Variants in NDFIP2 observed in about 807,000 individuals in gnomAD.
The protein encoded by NDFIP2 is Nedd4 family interacting protein 2, also known as NEDD4 family-interacting protein 2.
In NDFIP2, 19 loss-of-function variants were observed where a neutral mutation model predicts 36.0. The observed-to-expected ratio is 0.53, with a 90% CI of 0.37 to 0.77. NDFIP2 has a LOEUF of 0.77. Ranked by LOEUF, NDFIP2 falls within the 30% of genes least tolerant of loss-of-function variation. The pLI is 0.00. For missense variants in NDFIP2, 446 were observed against 435.8 expected (o/e 1.02, Z -0.21); for synonymous variants, 181 against 167.7 (o/e 1.08, Z -0.61).
intron 1 of NDFIP2, among the ~76,000 whole-genome samples, chr13:79,488,329 A>G (rs1158236546): frequency 6.6e-6 from 1 of 152,042 alleles, no homozygotes; most frequent in Non-Finnish European, 1.5e-5. Context: ...TTCTCTTGCT[A>G]TTTTTGTGCA....
chr13:79,508,279 C>A (rs768504027), intron 1 of NDFIP2, among the ~76,000 whole-genome samples: 3 of 152,080 alleles, frequency 2.0e-5, no homozygotes, highest in Non-Finnish European at 4.4e-5. Context: ...ACTGTTGGGT[C>A]CTGCACACTT....
At chr13:79,513,594 G>T (rs1442035295) in intron 1 of NDFIP2, among the ~76,000 whole-genome samples, 2 of 152,152 alleles carry the variant, frequency 1.3e-5, no homozygotes, top group Non-Finnish European at 2.9e-5. Flanking sequence ...GAGAGGGTGA[G>T]TGGAGCCCAG....
chr13:79,526,508 T>G (rs1566663076), intron 2 of NDFIP2, among the ~76,000 whole-genome samples: 1 of 152,100 alleles, frequency 6.6e-6, no homozygotes, highest in Admixed American at 6.6e-5. Flanking sequence ...ACTACAACAT[T>G]TAACAGTGAG....
Position 79,555,275 on chromosome 13 carries a change from G to T in NDFIP2, c.*2762G>T, listed in dbSNP as rs1200813996. 1 of 148,874 alleles carries T rather than the reference G, an allele frequency of 6.7e-6. No homozygotes were observed. The highest frequency in any genetic ancestry group is 2.5e-5 in the African/African-American group (1 of 40,284). 9.2% of individuals were successfully genotyped at this position (148,874 alleles called of 1,614,324 possible). A position where few individuals can be genotyped will look rare whatever the true frequency, so the allele number is the denominator to read the frequency against. Reference sequence around the variant, plus strand: ...TGTACTATTTCAAGAAGTGCAAAAAGTAATGATAGTGAATGTGATACCATA... The same window carrying T: ...TGTACTATTTCAAGAAGTGCAAAAATTAATGATAGTGAATGTGATACCATA... On this transcript the variant is annotated 3_prime_UTR_variant, in exon 8 of 8. Coordinates refer to ENST00000218652, the MANE Select transcript of NDFIP2 (RefSeq NM_019080.3).
At chr13:79,501,318 A>G (rs1431755447) in intron 1 of NDFIP2, among the ~76,000 whole-genome samples, 1 of 152,106 alleles carries the variant, frequency 6.6e-6, no homozygotes, top group East Asian at 1.9e-4. Context: ...TTGGGTAACA[A>G]TGATGTGTTA....
Position 79,511,741 on chromosome 13 carries a change from G to A in NDFIP2, c.322-9069G>A, listed in dbSNP as rs551265630. Among the ~76,000 whole-genome samples the A allele has an allele frequency of 3.4e-4, 52 of 152,290 alleles. 2 individuals carry two copies. The highest frequency in any genetic ancestry group is 4.4e-5 in the Non-Finnish European group (3 of 68,022). On this transcript the variant is annotated intron_variant, in intron 1 of 7. Transcript: ENST00000218652. ...TGCTAGCTAATTTAGGGGATACCAA[G>A]ATGAACAAAGCATATTTCCTAAATA...
intron 1 of NDFIP2, among the ~76,000 whole-genome samples, chr13:79,516,188 G>C (rs1874318285): frequency 6.6e-6 from 1 of 152,182 alleles, no homozygotes; most frequent in Non-Finnish European, 1.5e-5. Context: ...CTGCATGAAA[G>C]TATTTGTTGC....
chr13:79,507,706 A>G (rs915504839), intron 1 of NDFIP2, among the ~76,000 whole-genome samples: 3 of 152,098 alleles, frequency 2.0e-5, no homozygotes, highest in African/African-American at 7.2e-5. Flanking sequence ...GTCAGGATCA[A>G]CTTTTTTTAA....
intron 1 of NDFIP2, among the ~76,000 whole-genome samples, chr13:79,492,270 C>G (rs200237716): frequency 7.2e-5 from 7 of 96,812 alleles, no homozygotes; most frequent in East Asian, 6.0e-4. Context: ...TTTTTTTTTT[C>G]CTTTCTTTAT....
At chr13:79,547,313 T>G (rs948426362) in intron 5 of NDFIP2, among the ~76,000 whole-genome samples, 3 of 152,124 alleles carry the variant, frequency 2.0e-5, no homozygotes, top group African/African-American at 7.2e-5. Context: ...ACTTATAAAG[T>G]TACAAATACT....
At position 79,551,053 on chromosome 13, in the gene NDFIP2, TAA is replaced by T. The variant is rs1358887509; in HGVS notation, c.947_948del (p.Lys316SerfsTer6). The T allele has an allele frequency of 6.2e-7, 1 of 1,604,540 alleles. No homozygotes were observed. The highest frequency in any genetic ancestry group is 1.1e-5 in the South Asian group (1 of 89,824). On this transcript the variant is annotated frameshift_variant, in exon 7 of 8. Transcript: ENST00000218652. LOFTEE classifies it high-confidence loss of function. ...TTCTTCAGAGGATTTGTTAATTATC[TAA>T]AAGTCAGAAACATGTCTGAAAGTAT...
chr13:79,513,824 T>A (rs1220754876), intron 1 of NDFIP2, among the ~76,000 whole-genome samples: 1 of 152,146 alleles, frequency 6.6e-6, no homozygotes, highest in African/African-American at 2.4e-5. Flanking sequence ...TTGTAAATAC[T>A]TTTTTTCTTG....
intron 1 of NDFIP2, among the ~76,000 whole-genome samples, chr13:79,487,211 C>G (rs942621127): frequency 6.6e-6 from 1 of 152,056 alleles, no homozygotes; most frequent in Non-Finnish European, 1.5e-5. Flanking sequence ...ATTCATACCC[C>G]CCAGGTGACT....
chr13:79,512,341 CT>C (rs1874108734), intron 1 of NDFIP2, among the ~76,000 whole-genome samples: 1 of 152,064 alleles, frequency 6.6e-6, no homozygotes, highest in Admixed American at 6.6e-5. Context: ...TTTAAAATGT[CT>C]TCTGCTTTTA....
At chr13:79,512,894 G>C (rs966514393) in intron 1 of NDFIP2, among the ~76,000 whole-genome samples, 3 of 152,054 alleles carry the variant, frequency 2.0e-5, no homozygotes, top group Admixed American at 6.6e-5. Context: ...TCTCTATTTG[G>C]GTTTCTAAAT....
chr13:79,531,540 A>G (rs1391566443), intron 2 of NDFIP2, among the ~76,000 whole-genome samples: 2 of 152,170 alleles, frequency 1.3e-5, no homozygotes, highest in African/African-American at 4.8e-5. Flanking sequence ...ACCATCATCA[A>G]TGATCTTAGC....
intron 2 of NDFIP2, among the ~76,000 whole-genome samples, chr13:79,523,028 C>T (rs1053239753): frequency 6.6e-6 from 1 of 152,118 alleles, no homozygotes; most frequent in East Asian, 1.9e-4. Flanking sequence ...TACAGTCTCT[C>T]CTATTTCAAT....
chr13:79,485,762 G>A (rs183370559), intron 1 of NDFIP2, among the ~76,000 whole-genome samples: 8 of 152,288 alleles, frequency 5.3e-5, no homozygotes, highest in Admixed American at 1.3e-4. Flanking sequence ...TCCTGATACA[G>A]TTAATAAGAA....
At chr13:79,548,307 A>G (rs865952677) in intron 5 of NDFIP2, 21 bp from the exon 6 acceptor site, 1 of 1,507,096 alleles carries the variant, frequency 6.6e-7, no homozygotes, top group Non-Finnish European at 9.1e-7. Flanking sequence ...TTCGGTTAAT[A>G]TATTTATGTT....
Sources: allele counts gnomAD v4.1 joint callset (sites outside exome capture counted in the v4.1 genomes callset), GRCh38; gene constraint gnomAD v4.1.1; transcripts MANE v1.5; gene names NCBI Gene and HGNC (gene_info 2026-07-23, HGNC 2026-07-21).